The following GPC5 variants were observed in gnomAD, a reference collection of about 807,000 sequenced individuals.
The protein encoded by GPC5 is glypican 5, also known as glypican-5.
In GPC5, 47 loss-of-function variants were observed where a neutral mutation model predicts 53.9. The ratio of observed to expected loss-of-function variants is 0.87; its 90% CI spans 0.69 to 1.11. The LOEUF (loss-of-function observed/expected upper bound fraction) is 1.11. Ranked by LOEUF, GPC5 falls within the 50% of genes most tolerant of loss-of-function variation. GPC5 has a pLI of 0.00. For missense variants in GPC5, 748 were observed against 713.1 expected (o/e 1.05, Z -0.56); for synonymous variants, 286 against 263.3 (o/e 1.09, Z -0.84).
chr13:92,622,542 A>AT (rs1445038571), intron 7 of GPC5, among the ~76,000 whole-genome samples: 1 of 151,680 alleles, frequency 6.6e-6, no homozygotes, highest in Non-Finnish European at 1.5e-5. Context: ...ACTCTCTAAC[A>AT]TTTTGTACTA....
chr13:92,363,602 C>A (rs1426136323), intron 7 of GPC5, among the ~76,000 whole-genome samples: 1 of 151,744 alleles, frequency 6.6e-6, no homozygotes, highest in Non-Finnish European at 1.5e-5. Context: ...TGCTGCTCAC[C>A]TCCTGCTATG....
intron 7 of GPC5, among the ~76,000 whole-genome samples, chr13:92,574,705 G>A (rs1279138007): frequency 6.6e-6 from 1 of 152,150 alleles, no homozygotes; most frequent in South Asian, 2.1e-4. Context: ...TGAACTCTAT[G>A]TGCAGACAGA....
At chr13:91,637,006 A>G (rs1304239560) in intron 2 of GPC5, among the ~76,000 whole-genome samples, 1 of 152,204 alleles carries the variant, frequency 6.6e-6, no homozygotes, top group Non-Finnish European at 1.5e-5. Context: ...TCTTTCAATT[A>G]ATGAATGTGC....
intron 7 of GPC5, among the ~76,000 whole-genome samples, chr13:92,519,843 GT>G (rs1293780269): frequency 6.6e-6 from 1 of 152,074 alleles, no homozygotes; most frequent in East Asian, 1.9e-4. Context: ...TCCAGGATCT[GT>G]TTTTTTGAAA....
chr13:92,132,607 T>G (rs1362826251), intron 6 of GPC5, among the ~76,000 whole-genome samples: 2 of 152,108 alleles, frequency 1.3e-5, no homozygotes, highest in African/African-American at 4.8e-5. Flanking sequence ...CCGTATAGTC[T>G]TCCCTCTGTG....
chr13:92,600,572 A>G (rs1884016257), intron 7 of GPC5, among the ~76,000 whole-genome samples: 1 of 151,686 alleles, frequency 6.6e-6, no homozygotes, highest in Admixed American at 6.6e-5. Context: ...ATCTCAGCTC[A>G]CTGCAACCAC....
intron 3 of GPC5, among the ~76,000 whole-genome samples, chr13:91,706,639 T>G (rs541867722): frequency 6.6e-6 from 1 of 152,242 alleles, no homozygotes; most frequent in African/African-American, 2.4e-5. Context: ...TGGTACTTTT[T>G]TGTTGGGAAG....
chr13:91,803,006 T>G (rs192593731), intron 5 of GPC5, among the ~76,000 whole-genome samples: 4 of 152,246 alleles, frequency 2.6e-5, no homozygotes, highest in Non-Finnish European at 4.4e-5. Flanking sequence ...GATGATGGTG[T>G]TTTTTGCTTC....
intron 2 of GPC5, among the ~76,000 whole-genome samples, chr13:91,525,475 C>A (rs1168611261): frequency 6.6e-6 from 1 of 152,082 alleles, no homozygotes; most frequent in Non-Finnish European, 1.5e-5. Flanking sequence ...CTTCTGAAAC[C>A]AGCTAGGTTT....
rs1314399101 is a variant in GPC5, at chr13:91,738,804, C to T, written c.1154+10139C>T. Among the ~76,000 whole-genome samples the T allele has an allele frequency of 4.6e-5, 7 of 151,320 alleles. No individual in the cohort carries two copies. In the South Asian group the frequency reaches 1.2e-3, roughly 27 times the overall value. ...TAGTTTCACTCCATTACCCTCTTCC[C>T]TTTTTTTATGCTATTTTACCAACAA... is the stretch of plus-strand genomic sequence containing the variant. On this transcript the variant is annotated intron_variant, in intron 4 of 7. Transcript: ENST00000377067.
chr13:92,551,316 C>T (rs1013042144), intron 7 of GPC5, among the ~76,000 whole-genome samples: 102 of 148,820 alleles, frequency 6.9e-4, no homozygotes, highest in African/African-American at 2.3e-3. Flanking sequence ...AAAAAGAGAG[C>T]GAAAATAATT....
intron 2 of GPC5, among the ~76,000 whole-genome samples, chr13:91,574,951 A>G (rs971817225): frequency 2.0e-5 from 3 of 152,176 alleles, no homozygotes; most frequent in Admixed American, 6.6e-5. Flanking sequence ...AGAGTACTAG[A>G]ATAAAAACTC....
chr13:92,043,436 A>G (rs2040957483), intron 6 of GPC5, among the ~76,000 whole-genome samples: 1 of 152,178 alleles, frequency 6.6e-6, no homozygotes, highest in Admixed American at 6.5e-5. Context: ...GGGGTATAGT[A>G]TACAAGAGTG....
intron 7 of GPC5, among the ~76,000 whole-genome samples, chr13:92,514,102 G>T (rs981336320): frequency 6.6e-5 from 10 of 151,696 alleles, no homozygotes; most frequent in Non-Finnish European, 1.3e-4. Context: ...AACAAGAAGG[G>T]GTATGATTTT....
intron 2 of GPC5, among the ~76,000 whole-genome samples, chr13:91,613,302 G>A (rs2033609888): frequency 6.6e-6 from 1 of 152,280 alleles, no homozygotes; most frequent in South Asian, 2.1e-4. Flanking sequence ...GTCTCACATG[G>A]CAGCAGACAA....
intron 2 of GPC5, among the ~76,000 whole-genome samples, chr13:91,588,221 T>G (rs2032668562): frequency 6.6e-6 from 1 of 152,144 alleles, no homozygotes; most frequent in South Asian, 2.1e-4. Flanking sequence ...AATCTATACA[T>G]ACAGCTATGG....
At chr13:92,030,139 A>G (rs1483859513) in intron 6 of GPC5, among the ~76,000 whole-genome samples, 1 of 152,222 alleles carries the variant, frequency 6.6e-6, no homozygotes, top group Non-Finnish European at 1.5e-5. Context: ...AACAGAAAGA[A>G]AAGAAGGGTA....
chr13:91,938,175 T>C lies in GPC5; in HGVS notation c.1401+30118T>C, dbSNP rs536773392. On this transcript the variant is annotated intron_variant, in intron 6 of 7. Transcript: ENST00000377067. ...TAAAGAAAAGAGGTTTATGGTCTCA[T>C]GGTTCTGCAAGCTCTACAGGAAGCA... Among the ~76,000 whole-genome samples the C allele has an allele frequency of 7.4e-4, 113 of 152,126 alleles. No homozygotes were observed. The Middle Eastern group carries it at 0.017, about 23-fold the overall frequency.
intron 7 of GPC5, among the ~76,000 whole-genome samples, chr13:92,735,988 C>T (rs1025751296): frequency 1.3e-5 from 2 of 151,920 alleles, no homozygotes; most frequent in Non-Finnish European, 2.9e-5. Context: ...ACTCAATCTT[C>T]CCCACCACAG....
Sources: allele counts gnomAD v4.1 joint callset (sites outside exome capture counted in the v4.1 genomes callset), GRCh38; gene constraint gnomAD v4.1.1; transcripts MANE v1.5; gene names NCBI Gene and HGNC (gene_info 2026-07-23, HGNC 2026-07-21).